The following UTRN variants were observed in gnomAD, a reference collection of about 807,000 sequenced individuals.
UTRN encodes the protein dystrophin-related protein 1.
A neutral mutation model predicts 463.9 loss-of-function variants in UTRN; 283 were observed. That is an observed-to-expected ratio of 0.61 (90% CI 0.55 to 0.67). The LOEUF is 0.67. UTRN is among the 30% of genes least tolerant of loss of function. The pLI is 0.00. For synonymous variants in UTRN, 1,442 were observed against 1,431.5 expected (o/e 1.01, Z -0.17); for missense variants, 3,922 against 4,084.3 (o/e 0.96, Z 1.08).
chr6:144,432,362 C>A (rs940814584), intron 9 of UTRN, among the ~76,000 whole-genome samples: 1 of 152,252 alleles, frequency 6.6e-6, no homozygotes, highest in Non-Finnish European at 1.5e-5. Flanking sequence ...CTGTCTCTCT[C>A]TCTCTTTCTG....
intron 51 of UTRN, among the ~76,000 whole-genome samples, chr6:144,628,423 C>G (rs1051831562): frequency 5.3e-5 from 8 of 152,046 alleles, no homozygotes; most frequent in African/African-American, 1.9e-4. Context: ...GAAATGTGTG[C>G]AGAACTCCAG....
chr6:144,355,251 T>C (rs1282211146), intron 2 of UTRN, among the ~76,000 whole-genome samples: 1 of 152,294 alleles, frequency 6.6e-6, no homozygotes, highest in East Asian at 1.9e-4. Context: ...TCTGTCACCT[T>C]GGCTGGAGTG....
intron 29 of UTRN, among the ~76,000 whole-genome samples, chr6:144,488,157 C>G (rs1285016296): frequency 6.6e-6 from 1 of 152,114 alleles, no homozygotes; most frequent in Non-Finnish European, 1.5e-5. Flanking sequence ...TGCTTCCAAA[C>G]ACATATTAAA....
intron 54 of UTRN, among the ~76,000 whole-genome samples, chr6:144,737,787 A>G (rs1789591782): frequency 6.6e-6 from 1 of 151,826 alleles, no homozygotes; most frequent in South Asian, 2.1e-4. Flanking sequence ...TTTAATTTGT[A>G]TCATGTCAAT....
In UTRN at chr6:144,852,975, A is replaced by C. The variant is rs1284574515; in HGVS notation, c.*1978A>C. On this transcript the variant is annotated 3_prime_UTR_variant, in exon 75 of 75. Transcript: ENST00000367545. Reference sequence around the variant, plus strand: ...TGTGGTAAAGAACTAATCACAGACTATCATCTAATCTGGTTACATATTGTA... The same window carrying C: ...TGTGGTAAAGAACTAATCACAGACTCTCATCTAATCTGGTTACATATTGTA... 6.6e-6 allele frequency: 1 copy of C among 152,386 alleles called. No individual in the cohort carries two copies. Among genetic ancestry groups the C allele is most frequent in the African/African-American group, 2.4e-5 (1 of 41,474 alleles). 9.4% of individuals were successfully genotyped at this position (152,386 alleles called of 1,614,324 possible). A position where few individuals can be genotyped will look rare whatever the true frequency, so the allele number is the denominator to read the frequency against.
chr6:144,467,548 G>C (rs1412841049), intron 23 of UTRN, among the ~76,000 whole-genome samples: 2 of 152,120 alleles, frequency 1.3e-5, no homozygotes, highest in Non-Finnish European at 2.9e-5. Flanking sequence ...GTGTAGTCAT[G>C]CCTCTTCCTT....
At chr6:144,459,526 A>AT (rs1171423479) in intron 21 of UTRN, among the ~76,000 whole-genome samples, 172 bp downstream of exon 21, 1 of 152,118 alleles carries the variant, frequency 6.6e-6, no homozygotes, top group Non-Finnish European at 1.5e-5. Context: ...TCTTTTCCAG[A>AT]TTCACACCTT....
At position 144,819,911 on chromosome 6, in the gene UTRN, C is replaced by CCTCCTCCTCT. The variant is rs11397588; in HGVS notation, c.9358-968_9358-967insCTCCTCTCTC. ...TCCTCCTCCTCCTCCTCCTCCTCCT[C>CCTCCTCCTCT]CTCTCTCTCTCTCTCTCTCTCTTTC... On this transcript the variant is annotated intron_variant, in intron 65 of 74. Transcript: ENST00000367545. 1.7e-3 allele frequency among the ~76,000 whole-genome samples: 200 copies of CCTCCTCCTCT among 118,544 alleles called. 1 individual carries two copies. Among genetic ancestry groups the CCTCCTCCTCT allele is most frequent in the African/African-American group, 5.6e-3 (145 of 26,084 alleles). The allele number at this position is 118,544 out of a possible 152,430, so 77.8% of individuals were successfully genotyped here.
intron 2 of UTRN, among the ~76,000 whole-genome samples, chr6:144,357,170 G>A (rs1778637702): frequency 6.6e-6 from 1 of 152,100 alleles, no homozygotes; most frequent in South Asian, 2.1e-4. Context: ...TAGACCACTT[G>A]TTCTTCCAGA....
chr6:144,611,014 A>T (rs1446521401), intron 51 of UTRN, among the ~76,000 whole-genome samples: 3 of 152,244 alleles, frequency 2.0e-5, no homozygotes, highest in Non-Finnish European at 4.4e-5. Flanking sequence ...ATTTACCATG[A>T]TCATTGGGAT....
intron 51 of UTRN, among the ~76,000 whole-genome samples, chr6:144,611,043 G>A (rs192592823): frequency 1.8e-3 from 268 of 152,270 alleles, no homozygotes; most frequent in Admixed American, 3.9e-3. Context: ...AGGATGGAAG[G>A]ATGGCCCAAC....
At chr6:144,488,126 A>T (rs1178077402) in intron 29 of UTRN, among the ~76,000 whole-genome samples, 4 of 152,318 alleles carry the variant, frequency 2.6e-5, no homozygotes, top group African/African-American at 9.6e-5. Flanking sequence ...TTTTATAGGA[A>T]GGTTGGGTAT....
chr6:144,621,724 C>T (rs932046948), intron 51 of UTRN, among the ~76,000 whole-genome samples: 3 of 152,092 alleles, frequency 2.0e-5, no homozygotes, highest in East Asian at 1.9e-4. Flanking sequence ...CAATCACTGC[C>T]GTATCTTTTA....
At chr6:144,296,245 G>A (rs1053670561) in intron 2 of UTRN, among the ~76,000 whole-genome samples, 1 of 152,348 alleles carries the variant, frequency 6.6e-6, no homozygotes, top group African/African-American at 2.4e-5. Flanking sequence ...TCTGCCTCCT[G>A]TCAGATCAGC....
At chr6:144,692,271 G>T (rs1783500829) in intron 52 of UTRN, among the ~76,000 whole-genome samples, 1 of 152,112 alleles carries the variant, frequency 6.6e-6, no homozygotes, top group Non-Finnish European at 1.5e-5. Flanking sequence ...ATGTACCACA[G>T]TTTTTCAATC....
chr6:144,498,815 G>A (rs1182358848), intron 33 of UTRN, among the ~76,000 whole-genome samples: 2 of 151,852 alleles, frequency 1.3e-5, no homozygotes, highest in Non-Finnish European at 2.9e-5. Flanking sequence ...CCACCATACT[G>A]GCTAATTTTT....
At chr6:144,583,901 C>G (rs183140458) in intron 51 of UTRN, among the ~76,000 whole-genome samples, 1 of 152,276 alleles carries the variant, frequency 6.6e-6, no homozygotes, top group Admixed American at 6.5e-5. Flanking sequence ...TGTTACCTCT[C>G]TGGTACTTTG....
chr6:144,851,019 T>C lies in UTRN; in HGVS notation c.*22T>C, dbSNP rs756140595. ...GTGAAGTATTCATCCGGCCAACCAA[T>C]GTTTCCTGACGTACAGTGTTGCCCT... On this transcript the variant is annotated 3_prime_UTR_variant, in exon 75 of 75. Coordinates refer to ENST00000367545, the MANE Select transcript of UTRN (RefSeq NM_007124.3). 1.9e-6 allele frequency: 3 copies of C among 1,613,660 alleles called. No individual in the cohort carries two copies. In the South Asian group the frequency reaches 3.3e-5, roughly 18 times the overall value.
intron 54 of UTRN, among the ~76,000 whole-genome samples, chr6:144,743,182 A>G (rs1355122433): frequency 1.3e-5 from 2 of 152,244 alleles, no homozygotes; most frequent in Admixed American, 6.5e-5. Context: ...TGGCTACTAT[A>G]AAATCAATAT....
Sources: gnomAD v4.1 joint callset for allele counts (sites outside exome capture counted in the v4.1 genomes callset) on GRCh38, gnomAD v4.1.1 for gene constraint, MANE v1.5 for transcripts, NCBI Gene and HGNC (gene_info 2026-07-23, HGNC 2026-07-21) for gene names.